Variants in DSG2 observed in about 807,000 individuals in gnomAD.
DSG2 encodes the protein desmoglein 2, also known as desmoglein-2.
Under a neutral mutation model 75.6 loss-of-function variants are expected in DSG2, and 45 were observed. The ratio of observed to expected loss-of-function variants is 0.60; its 90% CI spans 0.47 to 0.76. The LOEUF is 0.76. Ranked by LOEUF, DSG2 falls within the 30% of genes least tolerant of loss-of-function variation. The pLI, the probability that DSG2 is intolerant of heterozygous loss-of-function variation, is 0.00. For synonymous variants in DSG2, 429 were observed against 483.9 expected, an observed-to-expected ratio of 0.89 and a Z score of 1.49; for missense variants, 1,267 against 1,357.4, an observed-to-expected ratio of 0.93 and a Z score of 1.05.
chr18:31,522,236 C>A lies in DSG2; in HGVS notation c.677C>A (p.Thr226Asn), dbSNP rs751490881. 1 of 1,613,362 alleles carries A rather than the reference C, an allele frequency of 6.2e-7. No homozygotes were observed. The highest frequency in any genetic ancestry group is 8.5e-7 in the Non-Finnish European group (1 of 1,179,508). ...DTGEIYTTSVTLDREEHSSYT... is the reference protein window; with the variant it reads ...DTGEIYTTSVNLDREEHSSYT... ...GGAGAGATTTATACAACCAGTGTTA[C>A]CTTGGACAGAGAGGTAAGTTAATAT... The change falls in exon 6 of 15, where the codon ACC becomes AAC. Residue 226 changes from threonine (T) to asparagine (N), a missense_variant. Thr to Asn is a moderately conservative substitution (Grantham distance 65, BLOSUM62 0). Transcript: ENST00000261590.
At chr18:31,539,261 G>A (rs1376026265) in intron 12 of DSG2, among the ~76,000 whole-genome samples, 1 of 152,170 alleles carries the variant, frequency 6.6e-6, no homozygotes, top group African/African-American at 2.4e-5. Context: ...AGCTCTGTGA[G>A]GGCAGCATGC....
chr18:31,523,347 G>A (rs1483719682), intron 6 of DSG2, among the ~76,000 whole-genome samples: 11 of 152,152 alleles, frequency 7.2e-5, no homozygotes, highest in Non-Finnish European at 1.5e-4. Context: ...CTTGCAGTGA[G>A]CTGAGATCGC....
At chr18:31,518,633 T>C (rs1402655790) in intron 2 of DSG2, among the ~76,000 whole-genome samples, 1 of 152,062 alleles carries the variant, frequency 6.6e-6, no homozygotes, top group East Asian at 1.9e-4. Flanking sequence ...TGAAAAATCA[T>C]AAAAGATATT....
intron 8 of DSG2, among the ~76,000 whole-genome samples, chr18:31,528,492 A>T (rs2073175846): frequency 6.6e-6 from 1 of 152,100 alleles, no homozygotes; most frequent in African/African-American, 2.4e-5. Flanking sequence ...TTGGGGGATC[A>T]CCTGAGCTCA....
chr18:31,545,133 C>G (rs2073296074), intron 14 of DSG2, among the ~76,000 whole-genome samples: 1 of 152,188 alleles, frequency 6.6e-6, no homozygotes, highest in Non-Finnish European at 1.5e-5. Flanking sequence ...TTTTCCCTCT[C>G]TCCACTCTAA....
Position 31,535,310 on chromosome 18 carries a change from G to T in DSG2, c.1321G>T (p.Asp441Tyr), listed in dbSNP as rs982214772. ...LEDRDNWISV[D>Y]SVTSEIKLAK... ...AGATAGAGATAATTGGATCTCTGTG[G>T]ATTCTGTCACATCTGAAATTAAACT... Residue 441 changes from aspartate (D) to tyrosine (Y), a missense_variant, in exon 10 of 15, where the codon GAT becomes TAT. Physicochemically the swap from Asp to Tyr is radical, Grantham distance 160. Transcript: ENST00000261590. 1.3e-6 allele frequency: 2 copies of T among 1,597,736 alleles called. No individual in the cohort carries two copies. The highest frequency in any genetic ancestry group is 1.3e-5 in the African/African-American group (1 of 74,578).
At chr18:31,542,876 G>A (rs2073278718) in intron 14 of DSG2, 24 bp downstream of exon 14, 2 of 1,090,278 alleles carry the variant, frequency 1.8e-6, no homozygotes, top group Non-Finnish European at 2.5e-6. Flanking sequence ...TTATGTATTG[G>A]TGGTGGGGGG....
rs1022773761 is a variant in DSG2, at chr18:31,528,707, C to T, written c.1015-2280C>T. Among the ~76,000 whole-genome samples the T allele has an allele frequency of 2.2e-5, 3 of 134,882 alleles. No homozygotes were observed. In the Admixed American group the frequency reaches 2.3e-4, roughly 10 times the overall value. 88.5% of individuals were successfully genotyped at this position (134,882 alleles called of 152,430 possible). On this transcript the variant is annotated intron_variant, in intron 8 of 14. Coordinates refer to ENST00000261590, the MANE Select transcript of DSG2 (RefSeq NM_001943.5). ...CCTAAGAGACAGAGCAAGACTCCAT[C>T]TCAAAAAAAAAAAAAAAAAAATTTG...
At chr18:31,540,821 A>C (rs940918996) in intron 12 of DSG2, among the ~76,000 whole-genome samples, 1 of 152,016 alleles carries the variant, frequency 6.6e-6, no homozygotes, top group African/African-American at 2.4e-5. Context: ...TCAATAGTAC[A>C]TATATTTTTG....
intron 10 of DSG2, 25 bp downstream of exon 10, chr18:31,535,437 C>A: frequency 1.3e-6 from 2 of 1,548,792 alleles, no homozygotes; most frequent in Non-Finnish European, 1.8e-6. Context: ...AGATCTTTTT[C>A]TTGATTATAT....
Position 31,536,414 on chromosome 18 carries a change from A to G in DSG2, c.1636A>G (p.Ile546Val), listed in dbSNP as rs758936670. ...KPPGMAEKWK[I>V]ARQESTSVLL... ...ACCTGGCATGGCAGAAAAATGGAAA[A>G]TAGCACGCCAAGAAAGTAAGCAAAA... is the stretch of plus-strand genomic sequence containing the variant. Residue 546 changes from isoleucine (I) to valine (V), a missense_variant, in exon 11 of 15, where the codon ATA becomes GTA. Physicochemically the swap from Ile to Val is conservative, Grantham distance 29. Coordinates refer to ENST00000261590, the MANE Select transcript of DSG2 (RefSeq NM_001943.5). 6.2e-7 allele frequency: 1 copy of G among 1,613,762 alleles called. No homozygotes were observed. The highest frequency in any genetic ancestry group is 2.2e-5 in the East Asian group (1 of 44,878).
intron 9 of DSG2, among the ~76,000 whole-genome samples, chr18:31,532,426 C>T (rs1445664884): frequency 5.9e-5 from 9 of 152,066 alleles, no homozygotes; most frequent in Non-Finnish European, 1.0e-4. Flanking sequence ...TAAGAATTTC[C>T]GAGGGTTACA....
chr18:31,522,004 G>T (rs1170505979), intron 5 of DSG2, 79 bp from the exon 6 acceptor site: 34 of 1,393,776 alleles, frequency 2.4e-5, no homozygotes, highest in Non-Finnish European at 3.4e-5. Flanking sequence ...TTTGGAACAA[G>T]CTAAAATTAT....
chr18:31,517,289 A>T (rs1456893617), intron 1 of DSG2, among the ~76,000 whole-genome samples: 1 of 152,220 alleles, frequency 6.6e-6, no homozygotes, highest in Admixed American at 6.5e-5. Context: ...GTGGGGGAAG[A>T]AAAGAATTGA....
At chr18:31,541,941 C>T (rs1364559664) in intron 13 of DSG2, among the ~76,000 whole-genome samples, 1 of 152,156 alleles carries the variant, frequency 6.6e-6, no homozygotes, top group African/African-American at 2.4e-5. Context: ...CCTTGTTTTT[C>T]TTCCATGGTT....
Position 31,498,370 on chromosome 18 carries a change from C to T in DSG2, c.45+74C>T, listed in dbSNP as rs537762282. 2.5e-5 allele frequency: 31 copies of T among 1,235,934 alleles called. No individual in the cohort carries two copies. In the African/African-American group the frequency reaches 4.4e-4, roughly 17 times the overall value. 76.6% of individuals were successfully genotyped at this position (1,235,934 alleles called of 1,614,324 possible). A position where few individuals can be genotyped will look rare whatever the true frequency, so the allele number is the denominator to read the frequency against. On this transcript the variant is annotated intron_variant, in intron 1 of 14. Transcript: ENST00000261590. Reference sequence around the variant, plus strand: ...GTAGGCGAGGTCTAGACCTCGCGACCAGACTTGCCCGCCGCCCTTGTGCGC... The same window carrying T: ...GTAGGCGAGGTCTAGACCTCGCGACTAGACTTGCCCGCCGCCCTTGTGCGC...
rs1424573992 is a variant in DSG2 at position 31,548,995 on chromosome 18, A to T, written c.*2252A>T. ...CTTGCAATAAAAAAAGTTGTCGGTTATCTAAAATTCAAATTTATCGGGGTA... is the reference window on the plus strand; with the variant it reads ...CTTGCAATAAAAAAAGTTGTCGGTTTTCTAAAATTCAAATTTATCGGGGTA... On this transcript the variant is annotated 3_prime_UTR_variant, in exon 15 of 15. Transcript: ENST00000261590. 6.6e-6 allele frequency: 1 copy of T among 152,198 alleles called. No individual in the cohort carries two copies. Among genetic ancestry groups the T allele is most frequent in the Non-Finnish European group, 1.5e-5 (1 of 68,032 alleles). 9.4% of individuals were successfully genotyped at this position (152,198 alleles called of 1,614,324 possible). A position where few individuals can be genotyped will look rare whatever the true frequency, so the allele number is the denominator to read the frequency against.
intron 14 of DSG2, among the ~76,000 whole-genome samples, chr18:31,543,753 C>T (rs1269477597): frequency 6.6e-6 from 1 of 151,552 alleles, no homozygotes; most frequent in Non-Finnish European, 1.5e-5. Context: ...GTAGTCCCAG[C>T]TACTCAGAAG....
intron 1 of DSG2, among the ~76,000 whole-genome samples, chr18:31,510,100 A>G (rs138633105): frequency 2.0e-5 from 3 of 152,324 alleles, no homozygotes; most frequent in East Asian, 1.9e-4. Flanking sequence ...AGAAAATAAC[A>G]CAGATGTTAG....
Sources: allele counts gnomAD v4.1 joint callset (sites outside exome capture counted in the v4.1 genomes callset), GRCh38; gene constraint gnomAD v4.1.1; transcripts MANE v1.5; gene names NCBI Gene and HGNC (gene_info 2026-07-23, HGNC 2026-07-21).